NCAM2: variants seen among roughly 807,000 people sequenced by gnomAD.
The protein encoded by NCAM2 is N-CAM-2.
NCAM2 carries 30 observed loss-of-function variants against 98.1 expected under a neutral mutation model. The observed-to-expected ratio is 0.31, with a 90% confidence interval of 0.23 to 0.41. The LOEUF (loss-of-function observed/expected upper bound fraction) is 0.41, where lower values mean the gene tolerates loss of function less well. Among genes scored for constraint, NCAM2 ranks in the 10% least tolerant of loss-of-function variants. The pLI, the probability that NCAM2 is intolerant of heterozygous loss-of-function variation, is 1.00. For missense variants in NCAM2, 867 were observed against 1,005.8 expected, an observed-to-expected ratio of 0.86 and a Z score of 1.87; for synonymous variants, 368 against 342.4, an observed-to-expected ratio of 1.07 and a Z score of -0.83.
At chr21:21,366,453 A>C (rs2075789150) in intron 8 of NCAM2, among the ~76,000 whole-genome samples, 1 of 152,084 alleles carries the variant, frequency 6.6e-6, no homozygotes, top group South Asian at 2.1e-4. Flanking sequence ...TTCTCACCAG[A>C]TGTGGATTAA....
At chr21:21,513,331 T>C (rs74537599) in intron 16 of NCAM2, among the ~76,000 whole-genome samples, 3,058 of 152,254 alleles carry the variant, frequency 0.02, 47 homozygotes, top group Middle Eastern at 0.027. Context: ...TAGGTGTTTA[T>C]TGCTGTAATA....
chr21:21,346,220 A>C (rs2075183872), intron 8 of NCAM2, among the ~76,000 whole-genome samples: 1 of 151,908 alleles, frequency 6.6e-6, no homozygotes, highest in Non-Finnish European at 1.5e-5. Flanking sequence ...AAAAAAAAAA[A>C]AAAACAGGAG....
chr21:21,453,505 A>C (rs1410392878), intron 12 of NCAM2, among the ~76,000 whole-genome samples: 2 of 152,104 alleles, frequency 1.3e-5, no homozygotes, highest in Non-Finnish European at 2.9e-5. Flanking sequence ...AATGTCATGG[A>C]ACCTTATTGA....
At chr21:21,039,701 A>G (rs1319179717) in intron 1 of NCAM2, among the ~76,000 whole-genome samples, 2 of 152,192 alleles carry the variant, frequency 1.3e-5, no homozygotes, top group Non-Finnish European at 2.9e-5. Context: ...ACAAATGGAA[A>G]TGAGAACATT....
At chr21:20,999,596 G>C (rs746545957) in intron 1 of NCAM2, among the ~76,000 whole-genome samples, 1 of 152,118 alleles carries the variant, frequency 6.6e-6, no homozygotes, top group Non-Finnish European at 1.5e-5. Flanking sequence ...AAATAAAATA[G>C]CACTAATTTT....
intron 1 of NCAM2, among the ~76,000 whole-genome samples, chr21:21,149,563 C>A (rs1057513098): frequency 1.3e-5 from 2 of 151,984 alleles, no homozygotes. Context: ...CTCTCCCTCC[C>A]CTTGCCCCCC....
chr21:21,493,274 A>G (rs1485721866), intron 15 of NCAM2, among the ~76,000 whole-genome samples: 3 of 151,924 alleles, frequency 2.0e-5, no homozygotes, highest in African/African-American at 7.2e-5. Context: ...TTTATTTGTT[A>G]AAGGACAGAA....
At chr21:21,172,656 TCTTA>T (rs946086402) in intron 1 of NCAM2, among the ~76,000 whole-genome samples, 11 of 152,254 alleles carry the variant, frequency 7.2e-5, no homozygotes, top group Admixed American at 2.0e-4. Flanking sequence ...AAGTGTTTTC[TCTTA>T]CTTACTAAAT....
chr21:21,097,522 C>T (rs1414486827), intron 1 of NCAM2, among the ~76,000 whole-genome samples: 1 of 151,454 alleles, frequency 6.6e-6, no homozygotes, highest in Non-Finnish European at 1.5e-5. Context: ...TTTTTATATG[C>T]TTACTATTTT....
intron 1 of NCAM2, among the ~76,000 whole-genome samples, chr21:21,063,587 C>CA (rs200683172): frequency 8.6e-5 from 12 of 139,568 alleles, no homozygotes; most frequent in South Asian, 2.3e-4. Context: ...TAGAAAGTGT[C>CA]AAAAAAAAAT....
At chr21:21,527,324 G>T (rs530297794) in intron 16 of NCAM2, among the ~76,000 whole-genome samples, 1 of 152,004 alleles carries the variant, frequency 6.6e-6, no homozygotes, top group East Asian at 1.9e-4. Context: ...TGTTAGCCAG[G>T]ATGGTCTCGA....
At chr21:21,104,915 A>C (rs1191356239) in intron 1 of NCAM2, among the ~76,000 whole-genome samples, 1 of 152,064 alleles carries the variant, frequency 6.6e-6, no homozygotes, top group Non-Finnish European at 1.5e-5. Flanking sequence ...TCATGTTGGG[A>C]GCAGCCCAGT....
At chr21:21,381,320 G>A (rs1339126802) in intron 9 of NCAM2, among the ~76,000 whole-genome samples, 2 of 152,138 alleles carry the variant, frequency 1.3e-5, no homozygotes, top group Non-Finnish European at 2.9e-5. Flanking sequence ...CACTGGTTTA[G>A]GCTATTAAGT....
At chr21:21,407,098 A>C (rs1216570255) in intron 9 of NCAM2, among the ~76,000 whole-genome samples, 1 of 152,180 alleles carries the variant, frequency 6.6e-6, no homozygotes, top group African/African-American at 2.4e-5. Flanking sequence ...GTACACCAAC[A>C]TGACATATGG....
At chr21:21,202,579 G>C (rs1356486924) in intron 1 of NCAM2, among the ~76,000 whole-genome samples, 1 of 151,670 alleles carries the variant, frequency 6.6e-6, no homozygotes, top group Admixed American at 6.6e-5. Flanking sequence ...ACCATGCCTG[G>C]CTAATTTTGC....
intron 1 of NCAM2, among the ~76,000 whole-genome samples, chr21:21,256,438 G>C (rs2071676599): frequency 6.6e-6 from 1 of 152,188 alleles, no homozygotes; most frequent in African/African-American, 2.4e-5. Context: ...GGCTACTCCT[G>C]TTCGTTGCCT....
At chr21:21,478,992 T>C (rs2826858) in intron 15 of NCAM2, among the ~76,000 whole-genome samples, 70,566 of 151,924 alleles carry the variant, frequency 0.46, 17,433 homozygotes, top group Non-Finnish European at 0.55. Context: ...AATACGTATG[T>C]GGTAATTATA....
chr21:21,339,996 A>G (rs1363223212), intron 8 of NCAM2, among the ~76,000 whole-genome samples: 2 of 151,874 alleles, frequency 1.3e-5, no homozygotes, highest in Non-Finnish European at 2.9e-5. Context: ...GATAAAAGTT[A>G]TAGTTTGCTT....
intron 6 of NCAM2, 41 bp from the exon 7 acceptor site, chr21:21,335,464 A>G: frequency 1.3e-6 from 2 of 1,511,240 alleles, no homozygotes; most frequent in Non-Finnish European, 1.8e-6. Context: ...CTAAATTATA[A>G]AGCCAGATCT....
Sources: gnomAD v4.1 joint callset for allele counts (sites outside exome capture counted in the v4.1 genomes callset) on GRCh38, gnomAD v4.1.1 for gene constraint, MANE v1.5 for transcripts, NCBI Gene and HGNC (gene_info 2026-07-23, HGNC 2026-07-21) for gene names.